Variants in AHI1 observed in about 807,000 individuals in gnomAD.
The protein encoded by AHI1 is Abelson helper integration site 1, also known as jouberin.
In AHI1, 123 loss-of-function variants were observed where a neutral mutation model predicts 149.3. That is an observed-to-expected ratio of 0.82 (90% CI 0.71 to 0.96). The LOEUF (loss-of-function observed/expected upper bound fraction) is 0.96. Among genes scored for constraint, AHI1 ranks in the 40% least tolerant of loss-of-function variants. The probability of loss-of-function intolerance (pLI) is 0.00; values close to 1 mark genes in which losing one functional copy is unlikely to be tolerated. For synonymous variants in AHI1, 475 were observed against 459.8 expected, an observed-to-expected ratio of 1.03 and a Z score of -0.42; for missense variants, 1,439 against 1,422.7, an observed-to-expected ratio of 1.01 and a Z score of -0.18.
At chr6:135,495,597 C>T (rs148537936) in intron 3 of AHI1, 2 of 152,368 alleles carry the variant, frequency 1.3e-5, no homozygotes, top group Non-Finnish European at 2.9e-5. Context: ...ATCTTTGTAG[C>T]TCCCTCTACC....
chr6:135,490,246 G>C lies in AHI1; in HGVS notation c.135+377C>G, dbSNP rs764839950. 2.5e-5 allele frequency: 18 copies of C among 721,320 alleles called. No homozygotes were observed. The South Asian group carries it at 2.7e-4, about 11-fold the overall frequency. The allele number at this position is 721,320 out of a possible 1,614,324, so 44.7% of individuals were successfully genotyped here. A position where few individuals can be genotyped will look rare whatever the true frequency, so the allele number is the denominator to read the frequency against. ...TGGTTCTGTTGGGTAGAATCACACA[G>C]AAATAGTTTAAATAAGCACAAGCTA... On this transcript the variant is annotated intron_variant, in intron 5 of 28. Transcript: ENST00000265602.
At chr6:135,389,093 G>A (rs775028289) in intron 23 of AHI1, among the ~76,000 whole-genome samples, 3 of 151,782 alleles carry the variant, frequency 2.0e-5, no homozygotes, top group Admixed American at 6.6e-5. Flanking sequence ...GGCGGATCAC[G>A]AGGTCAGGAT....
chr6:135,494,151 T>C (rs1795647155), intron 3 of AHI1, among the ~76,000 whole-genome samples: 1 of 152,254 alleles, frequency 6.6e-6, no homozygotes, highest in South Asian at 2.1e-4. Flanking sequence ...TATAATGCAG[T>C]ACAGGGCAGT....
intron 20 of AHI1, among the ~76,000 whole-genome samples, chr6:135,416,936 T>C (rs780997384): frequency 6.6e-6 from 1 of 152,114 alleles, no homozygotes; most frequent in Non-Finnish European, 1.5e-5. Flanking sequence ...TCTCTGTAGA[T>C]TGTTGTGGAT....
intron 23 of AHI1, among the ~76,000 whole-genome samples, chr6:135,368,908 G>T (rs915061832): frequency 6.6e-6 from 1 of 152,210 alleles, no homozygotes; most frequent in Non-Finnish European, 1.5e-5. Flanking sequence ...CTCCTCATTT[G>T]CTCCCTCCTT....
At chr6:135,299,844 A>G (rs1783627683) in intron 27 of AHI1, among the ~76,000 whole-genome samples, 1 of 152,198 alleles carries the variant, frequency 6.6e-6, no homozygotes, top group Non-Finnish European at 1.5e-5. Context: ...ATGCTTCAAA[A>G]AAGGCATTCA....
At chr6:135,363,320 C>A (rs1377701553) in intron 23 of AHI1, among the ~76,000 whole-genome samples, 1 of 151,626 alleles carries the variant, frequency 6.6e-6, no homozygotes, top group African/African-American at 2.4e-5. Flanking sequence ...ATCCATTCAA[C>A]CCTGAGTGGA....
chr6:135,322,946 C>T (rs1787096137), intron 25 of AHI1, among the ~76,000 whole-genome samples: 1 of 152,136 alleles, frequency 6.6e-6, no homozygotes, highest in African/African-American at 2.4e-5. Flanking sequence ...GATAAGAAGT[C>T]CATGAAACAA....
chr6:135,490,319 T>C, intron 5 of AHI1: 1 of 685,526 alleles, frequency 1.5e-6, no homozygotes, highest in Non-Finnish European at 2.7e-6. Context: ...TTCACAATTC[T>C]GGGTTAAAAA....
chr6:135,431,278 A>G lies in AHI1; in HGVS notation c.2303T>C (p.Ile768Thr). The G allele has an allele frequency of 6.2e-7, 1 of 1,608,792 alleles. No homozygotes were observed. The highest frequency in any genetic ancestry group is 8.5e-7 in the Non-Finnish European group (1 of 1,176,690). ...CTTGACATAGGTATTCCAAACAACA[A>G]TCACCCCTGTACAATCTCCTGAATA... ...HMYSGDCTGV[I>T]VVWNTYVKIN... The change falls in exon 17 of 29, where the codon ATT becomes ACT. Residue 768 changes from isoleucine to threonine, a missense_variant. Coordinates refer to ENST00000265602, the MANE Select transcript of AHI1 (RefSeq NM_001134831.2).
chr6:135,364,912 A>G (rs1773923453), intron 23 of AHI1, among the ~76,000 whole-genome samples: 1 of 150,966 alleles, frequency 6.6e-6, no homozygotes, highest in Non-Finnish European at 1.5e-5. Context: ...CCGTGGGGAG[A>G]GGAAGAGGAA....
chr6:135,405,039 A>G, intron 21 of AHI1, 62 bp from the exon 22 acceptor site: 1 of 1,372,642 alleles, frequency 7.3e-7, no homozygotes, highest in Non-Finnish European at 1.0e-6. Context: ...GACTGTTTGC[A>G]AAACACTCAG....
rs368953842 is a variant in AHI1 at position 135,333,586 on chromosome 6, A to T, written c.3166-10262T>A. Among the ~76,000 whole-genome samples, 9 of 152,256 alleles carry T rather than the reference A, an allele frequency of 5.9e-5. No individual in the cohort carries two copies. In the East Asian group the frequency reaches 7.7e-4, roughly 13 times the overall value. On this transcript the variant is annotated intron_variant, in intron 24 of 28. Coordinates refer to ENST00000265602, the MANE Select transcript of AHI1 (RefSeq NM_001134831.2). ...ACACAGTTTATTGCCTCTGTATCAG[A>T]TAAATGATCTGTTCCTATCTTGCTG... is the stretch of plus-strand genomic sequence containing the variant.
chr6:135,355,497 C>A (rs1792806163), intron 24 of AHI1, among the ~76,000 whole-genome samples: 1 of 152,164 alleles, frequency 6.6e-6, no homozygotes, highest in Non-Finnish European at 1.5e-5. Context: ...TCTTTATTTA[C>A]TGAAGGGACA....
At chr6:135,490,596 A>C in intron 5 of AHI1, 27 bp downstream of exon 5, 1 of 1,612,822 alleles carries the variant, frequency 6.2e-7, no homozygotes, top group Non-Finnish European at 8.5e-7. Context: ...TATGTAAATC[A>C]CTATTACCCA....
intron 14 of AHI1, among the ~76,000 whole-genome samples, chr6:135,441,138 T>C (rs906811343): frequency 2.0e-5 from 3 of 150,756 alleles, no homozygotes; most frequent in Non-Finnish European, 4.4e-5. Flanking sequence ...GAAATAGATA[T>C]GATTAAAAAA....
chr6:135,469,183 C>T lies in AHI1; in HGVS notation c.136-1549G>A, dbSNP rs191676866. ...ACCACCATCAAGTCAGCTTCATCCA[C>T]GGGATGCAAGGCTGGTTCAACATAC... On this transcript the variant is annotated intron_variant, in intron 5 of 28. Transcript: ENST00000265602. Among the ~76,000 whole-genome samples the T allele has an allele frequency of 9.3e-4, 141 of 152,242 alleles. 1 individual carries two copies. Among genetic ancestry groups the T allele is most frequent in the Non-Finnish European group, 3.8e-4 (26 of 68,004 alleles).
rs549179671 is a variant in AHI1, at chr6:135,472,643, C to A, written c.136-5009G>T. ...TAAGAGAGTTCCAGTTACTTACCAT[C>A]CTTGTTTGCACTTAATACTGTCAAT... is the stretch of plus-strand genomic sequence containing the variant. On this transcript the variant is annotated intron_variant, in intron 5 of 28. Coordinates refer to ENST00000265602, the MANE Select transcript of AHI1 (RefSeq NM_001134831.2). Among the ~76,000 whole-genome samples, 137 of 152,296 alleles carry A rather than the reference C, an allele frequency of 9.0e-4. 1 individual carries two copies. Among genetic ancestry groups the A allele is most frequent in the African/African-American group, 3.1e-3 (130 of 41,566 alleles).
rs538127232 is a variant in AHI1, at chr6:135,370,018, T to C, written c.3110-11831A>G. On this transcript the variant is annotated intron_variant, in intron 23 of 28. Coordinates refer to ENST00000265602, the MANE Select transcript of AHI1 (RefSeq NM_001134831.2). ...GCCAACATTTTGATTATCTGTAGGA[T>C]TCCTTTTATTCATTGTTCTTTTTCT... Among the ~76,000 whole-genome samples, 4 of 152,326 alleles carry C rather than the reference T, an allele frequency of 2.6e-5. No homozygotes were observed. The East Asian group carries it at 7.7e-4, about 29-fold the overall frequency.
Sources: gnomAD v4.1 joint callset for allele counts (sites outside exome capture counted in the v4.1 genomes callset) on GRCh38, gnomAD v4.1.1 for gene constraint, MANE v1.5 for transcripts, NCBI Gene and HGNC (gene_info 2026-07-23, HGNC 2026-07-21) for gene names.